Variants in SLC2A9 observed in about 807,000 individuals in gnomAD.
SLC2A9 encodes the protein solute carrier family 2, facilitated glucose transporter member 9.
Under a neutral mutation model 50.6 loss-of-function variants are expected in SLC2A9, and 39 were observed. The observed-to-expected ratio is 0.77, with a 90% CI of 0.60 to 1.01. The LOEUF (loss-of-function observed/expected upper bound fraction) is 1.01. Among genes scored for constraint, SLC2A9 ranks in the 50% least tolerant of loss-of-function variants. The probability of loss-of-function intolerance (pLI) is 0.00; values close to 1 mark genes in which losing one functional copy is unlikely to be tolerated. For missense variants in SLC2A9, 686 were observed against 677.6 expected (o/e 1.01, Z -0.14); for synonymous variants, 324 against 276.9 (o/e 1.17, Z -1.69).
intron 10 of SLC2A9, among the ~76,000 whole-genome samples, chr4:9,841,931 G>A (rs1274365463): frequency 6.6e-6 from 1 of 152,114 alleles, no homozygotes; most frequent in Non-Finnish European, 1.5e-5. Context: ...AAATCAAGGT[G>A]GTAGCAAGAG....
chr4:9,895,418 G>T (rs371630407), intron 8 of SLC2A9, among the ~76,000 whole-genome samples: 5 of 152,326 alleles, frequency 3.3e-5, no homozygotes, highest in Non-Finnish European at 7.3e-5. Flanking sequence ...GGATTAGAGC[G>T]AACGTGGTAT....
rs111752284 is a variant in SLC2A9, at chr4:9,852,589, T to A, written c.1292-17581A>T. On this transcript the variant is annotated intron_variant, in intron 10 of 11. Coordinates refer to ENST00000264784, the MANE Select transcript of SLC2A9 (RefSeq NM_020041.3). ...AAAGAAAAGAAATTCCAATCAAGAA[T>A]TTTGTAGCCAGTCAAACTAAGCTTC... Among the ~76,000 whole-genome samples the A allele has an allele frequency of 5.5e-3, 845 of 152,302 alleles. 7 individuals carry two copies. The highest frequency in any genetic ancestry group is 0.019 in the African/African-American group (795 of 41,572).
chr4:9,796,269 T>C (rs780352556), downstream of SLC2A9, among the ~76,000 whole-genome samples: 5 of 152,172 alleles, frequency 3.3e-5, no homozygotes, highest in Admixed American at 6.5e-5. Flanking sequence ...CTGAGCGCAT[T>C]TGCCTGACCT....
At chr4:9,797,959 C>G (rs1283823257), downstream of SLC2A9, among the ~76,000 whole-genome samples, 1 of 152,212 alleles carries the variant, frequency 6.6e-6, no homozygotes, top group African/African-American at 2.4e-5. Context: ...CAGCCCAGTG[C>G]TTGGCATTCA....
At chr4:9,830,376 G>A (rs1215973330) in intron 11 of SLC2A9, among the ~76,000 whole-genome samples, 3 of 152,200 alleles carry the variant, frequency 2.0e-5, no homozygotes, top group Non-Finnish European at 2.9e-5. Context: ...GTGGTGGAGG[G>A]AGAGTGTTAG....
intron 6 of SLC2A9, among the ~76,000 whole-genome samples, chr4:9,931,962 C>CTATATATATATATATA (rs61538689): frequency 8.2e-4 from 12 of 14,580 alleles, no homozygotes; most frequent in South Asian, 3.5e-3. Flanking sequence ...CTCTCTCTCT[C>CTATATATATATATATA]TATATATATA....
chr4:9,953,918 T>C (rs1262858990), intron 5 of SLC2A9, among the ~76,000 whole-genome samples: 4 of 152,240 alleles, frequency 2.6e-5, no homozygotes, highest in Admixed American at 6.5e-5. Flanking sequence ...CAAGCAATTC[T>C]CCTGCCTCAG....
intron 3 of SLC2A9, chr4:9,782,826 C>G (rs1333300810): frequency 6.2e-7 from 1 of 1,613,260 alleles, no homozygotes; most frequent in Non-Finnish European, 8.5e-7. Flanking sequence ...GAGAGGGCCG[C>G]AGAGCACGCG....
intron 3 of SLC2A9, among the ~76,000 whole-genome samples, chr4:9,819,389 T>G (rs1418459874): frequency 1.3e-5 from 2 of 152,202 alleles, no homozygotes; most frequent in African/African-American, 4.8e-5. Flanking sequence ...AGGTTTGGGA[T>G]ATCTCATTGT....
Position 10,028,102 on chromosome 4 carries a change from A to G in SLC2A9, c.-40-2096T>C, listed in dbSNP as rs955476395. Among the ~76,000 whole-genome samples, 4 of 152,142 alleles carry G rather than the reference A, an allele frequency of 2.6e-5. No individual in the cohort carries two copies. In the East Asian group the frequency reaches 7.7e-4, roughly 29 times the overall value. On this transcript the variant is annotated intron_variant, in intron 1 of 12. Coordinates refer to the SLC2A9 transcript ENST00000309065. ...CAGGAGGGTTTCTGCTGCTTTGACCAGGAACCCAGCTGCCCAAGCAGCCCC... is the reference window on the plus strand; with the variant it reads ...CAGGAGGGTTTCTGCTGCTTTGACCGGGAACCCAGCTGCCCAAGCAGCCCC...
rs150084622 is a variant in SLC2A9, at chr4:9,992,014, C to T, written c.410+4767G>A. 6.2e-4 allele frequency among the ~76,000 whole-genome samples: 95 copies of T among 152,314 alleles called. 1 individual carries two copies. The highest frequency in any genetic ancestry group is 5.3e-3 in the Admixed American group (81 of 15,304). ...TTTCTACTACTATAAAATACAGATG[C>T]CTTTTAAAGGGTTGAAGTAGAAAAT... is the stretch of plus-strand genomic sequence containing the variant. On this transcript the variant is annotated intron_variant, in intron 3 of 11. Transcript: ENST00000264784.
At chr4:9,955,301 G>C (rs1282474791) in intron 5 of SLC2A9, among the ~76,000 whole-genome samples, 1 of 50,126 alleles carries the variant, frequency 2.0e-5, no homozygotes, top group Non-Finnish European at 3.9e-5. Flanking sequence ...GACCATCCTG[G>C]CTAACACGGT....
At chr4:9,867,631 C>T (rs1732701498) in intron 10 of SLC2A9, among the ~76,000 whole-genome samples, 1 of 152,158 alleles carries the variant, frequency 6.6e-6, no homozygotes, top group Non-Finnish European at 1.5e-5. Flanking sequence ...TTCCCTCGCC[C>T]CATCATGGGG....
intron 2 of SLC2A9, among the ~76,000 whole-genome samples, chr4:9,999,532 C>T (rs533314904): frequency 8.5e-5 from 13 of 152,136 alleles, no homozygotes; most frequent in African/African-American, 3.1e-4. Flanking sequence ...TATGCCAAGA[C>T]AGCAGGACAG....
intron 9 of SLC2A9, 74 bp from the exon 10 acceptor site, chr4:9,887,716 C>T: frequency 8.2e-7 from 1 of 1,212,340 alleles, no homozygotes; most frequent in Middle Eastern, 2.0e-4. Context: ...CACCCCAGCT[C>T]CTCCTCCATC....
At chr4:9,779,529 C>T (rs1718039961), downstream of SLC2A9, among the ~76,000 whole-genome samples, 1 of 151,886 alleles carries the variant, frequency 6.6e-6, no homozygotes, top group African/African-American at 2.4e-5. Context: ...ATTCTCCTGC[C>T]TCAGCCTCCC....
At chr4:9,921,289 G>A (rs1743903511) in intron 6 of SLC2A9, among the ~76,000 whole-genome samples, 1 of 152,074 alleles carries the variant, frequency 6.6e-6, no homozygotes, top group African/African-American at 2.4e-5. Context: ...TCCAGCCTCA[G>A]AGAACCCATC....
chr4:9,930,712 G>T (rs1365528976), intron 6 of SLC2A9, among the ~76,000 whole-genome samples: 1 of 152,186 alleles, frequency 6.6e-6, no homozygotes, highest in Non-Finnish European at 1.5e-5. Flanking sequence ...TGCTTTCCTT[G>T]GCTCTGAGGT....
At chr4:10,015,099 C>T (rs1437013161) in intron 2 of SLC2A9, among the ~76,000 whole-genome samples, 5 of 152,176 alleles carry the variant, frequency 3.3e-5, no homozygotes, top group Admixed American at 3.3e-4. Context: ...GCTTGTAACA[C>T]GATGGCAGCA....
Sources: allele counts gnomAD v4.1 joint callset (sites outside exome capture counted in the v4.1 genomes callset), GRCh38; gene constraint gnomAD v4.1.1; transcripts MANE v1.5; gene names NCBI Gene and HGNC (gene_info 2026-07-23, HGNC 2026-07-21).